SSH2: variants seen among roughly 807,000 people sequenced by gnomAD.
The protein encoded by SSH2 is slingshot protein phosphatase 2.
A neutral mutation model predicts 135.2 loss-of-function variants in SSH2; 37 were observed. That is an observed-to-expected ratio of 0.27 (90% CI 0.21 to 0.36). The LOEUF (loss-of-function observed/expected upper bound fraction) is 0.36, where lower values mean the gene tolerates loss of function less well. Among genes scored for constraint, SSH2 ranks in the 10% least tolerant of loss-of-function variants. The pLI, the probability that SSH2 is intolerant of heterozygous loss-of-function variation, is 1.00. For missense variants in SSH2, 1,408 were observed against 1,765.3 expected (o/e 0.80, Z 3.63); for synonymous variants, 628 against 646.2 (o/e 0.97, Z 0.43).
chr17:29,668,480 C>A (rs1004614364), intron 9 of SSH2, among the ~76,000 whole-genome samples: 17 of 152,134 alleles, frequency 1.1e-4, no homozygotes, highest in Admixed American at 9.8e-4. Context: ...CATGTAATCC[C>A]AGCACTTTGG....
intron 1 of SSH2, among the ~76,000 whole-genome samples, chr17:29,861,473 G>C (rs375484121): frequency 1.3e-5 from 2 of 151,930 alleles, no homozygotes; most frequent in Admixed American, 6.6e-5. Context: ...TTAATTTCTC[G>C]TTTACTATGT....
intron 8 of SSH2, chr17:29,673,928 G>A (rs1412208859): frequency 3.2e-6 from 1 of 314,276 alleles, no homozygotes; most frequent in African/African-American, 2.2e-5. Context: ...TCAATCATTT[G>A]TTTTTTATTT....
At chr17:29,762,461 G>C (rs1157345623) in intron 3 of SSH2, among the ~76,000 whole-genome samples, 1 of 152,134 alleles carries the variant, frequency 6.6e-6, no homozygotes, top group African/African-American at 2.4e-5. Context: ...GTGCAGCCAT[G>C]GTTGAGACGG....
At chr17:29,671,865 G>T (rs893001305) in intron 9 of SSH2, 70 bp downstream of exon 9, 4 of 1,318,156 alleles carry the variant, frequency 3.0e-6, no homozygotes, top group Non-Finnish European at 3.2e-6. Context: ...GATTAGGGAG[G>T]AACATGCTTC....
At chr17:29,864,446 T>C (rs1264626851) in intron 1 of SSH2, among the ~76,000 whole-genome samples, 2 of 152,002 alleles carry the variant, frequency 1.3e-5, no homozygotes, top group East Asian at 1.9e-4. Flanking sequence ...AGGTCTCTTA[T>C]AGATATACTC....
chr17:29,798,534 A>G (rs1412279572), intron 2 of SSH2, among the ~76,000 whole-genome samples: 1 of 152,212 alleles, frequency 6.6e-6, no homozygotes, highest in Non-Finnish European at 1.5e-5. Context: ...ATTTTTACAG[A>G]AAGAACATCA....
intron 1 of SSH2, among the ~76,000 whole-genome samples, chr17:29,891,485 T>C (rs962599383): frequency 1.3e-5 from 2 of 152,016 alleles, no homozygotes; most frequent in Non-Finnish European, 2.9e-5. Flanking sequence ...CACAGATTTA[T>C]TGAAACGAAA....
intron 8 of SSH2, among the ~76,000 whole-genome samples, chr17:29,672,410 A>T (rs1191269903): frequency 6.6e-6 from 1 of 152,208 alleles, no homozygotes; most frequent in Admixed American, 6.5e-5. Context: ...CCAGGTACCT[A>T]TGGAGCACAT....
chr17:29,669,328 A>G (rs2037399300), intron 9 of SSH2, among the ~76,000 whole-genome samples: 1 of 152,252 alleles, frequency 6.6e-6, no homozygotes, highest in Admixed American at 6.5e-5. Flanking sequence ...ACATGTATGA[A>G]GTGCTGGGCA....
intron 3 of SSH2, among the ~76,000 whole-genome samples, chr17:29,726,708 T>C (rs1434965950): frequency 1.3e-5 from 2 of 152,238 alleles, no homozygotes; most frequent in Non-Finnish European, 2.9e-5. Flanking sequence ...TCCCTTGCAT[T>C]CATAAAGAAT....
chr17:29,680,222 G>C (rs1362112223), intron 6 of SSH2, among the ~76,000 whole-genome samples: 1 of 152,036 alleles, frequency 6.6e-6, no homozygotes, highest in African/African-American at 2.4e-5. Flanking sequence ...CTAGCCCTTA[G>C]TTGGGCTTTC....
chr17:29,898,190 T>C (rs192926309), intron 1 of SSH2, among the ~76,000 whole-genome samples: 24 of 152,064 alleles, frequency 1.6e-4, no homozygotes, highest in Non-Finnish European at 1.9e-4. Flanking sequence ...AGATCTAAAA[T>C]TGACACCCTA....
intron 1 of SSH2, among the ~76,000 whole-genome samples, chr17:29,885,190 A>C (rs1337151473): frequency 2.0e-5 from 3 of 151,886 alleles, no homozygotes; most frequent in Admixed American, 1.3e-4. Context: ...ATTCATTTAC[A>C]CTTATCCAAG....
intron 3 of SSH2, among the ~76,000 whole-genome samples, chr17:29,738,584 C>T (rs377255868): frequency 6.2e-5 from 9 of 144,548 alleles, no homozygotes; most frequent in African/African-American, 2.0e-4. Flanking sequence ...GACGGAGTCT[C>T]GCTCTGTTGC....
At chr17:29,916,659 G>T (rs180834199) in intron 1 of SSH2, among the ~76,000 whole-genome samples, 20 of 152,058 alleles carry the variant, frequency 1.3e-4, no homozygotes, top group Admixed American at 1.0e-3. Flanking sequence ...CCTAAGGAGA[G>T]AAATAAAAAT....
intron 3 of SSH2, chr17:29,775,609 T>C (rs970556258): frequency 6.6e-5 from 10 of 152,228 alleles, no homozygotes; most frequent in African/African-American, 2.2e-4. Flanking sequence ...TGGTTTTCTT[T>C]ATTCATAGAA....
chr17:29,802,139 G>A (rs553458010), intron 2 of SSH2, among the ~76,000 whole-genome samples: 11 of 152,218 alleles, frequency 7.2e-5, no homozygotes, highest in African/African-American at 2.6e-4. Flanking sequence ...TGGGATTACA[G>A]GTGTGAGCCA....
intron 1 of SSH2, among the ~76,000 whole-genome samples, chr17:29,923,114 G>C (rs922986736): frequency 2.0e-5 from 3 of 152,134 alleles, no homozygotes; most frequent in African/African-American, 7.2e-5. Flanking sequence ...GTTTCACCAT[G>C]TTGGCCAGGC....
chr17:29,865,953 T>G (rs1383294446), intron 1 of SSH2: 2 of 151,810 alleles, frequency 1.3e-5, no homozygotes, highest in Admixed American at 6.6e-5. Context: ...ATACAAAAAA[T>G]TAGCCAGGCA....
Sources: allele counts gnomAD v4.1 joint callset (sites outside exome capture counted in the v4.1 genomes callset), GRCh38; gene constraint gnomAD v4.1.1; transcripts MANE v1.5; gene names NCBI Gene and HGNC (gene_info 2026-07-23, HGNC 2026-07-21).